Variants in EYA1 observed in about 807,000 individuals in gnomAD.
EYA1 encodes protein phosphatase EYA1.
EYA1 carries 16 observed loss-of-function variants against 82.0 expected under a neutral mutation model. The ratio of observed to expected loss-of-function variants is 0.20; its 90% CI spans 0.13 to 0.30. EYA1 has a LOEUF of 0.30. Among genes scored for constraint, EYA1 ranks in the 10% least tolerant of loss-of-function variants. EYA1 has a pLI of 1.00. For synonymous variants in EYA1, 261 were observed against 264.4 expected (o/e 0.99, Z 0.12); for missense variants, 633 against 730.7 (o/e 0.87, Z 1.54).
intron 2 of EYA1, among the ~76,000 whole-genome samples, chr8:71,375,747 G>A (rs1828335491): frequency 6.6e-6 from 1 of 152,084 alleles, no homozygotes; most frequent in Admixed American, 6.6e-5. Flanking sequence ...TCCTGGCTCA[G>A]CCTCCCAAGT....
intron 2 of EYA1, among the ~76,000 whole-genome samples, chr8:71,390,336 T>C (rs1032470959): frequency 4.0e-5 from 6 of 151,132 alleles, no homozygotes; most frequent in Non-Finnish European, 5.9e-5. Context: ...AGTGGCACAA[T>C]CAGAGCTCAC....
intron 2 of EYA1, among the ~76,000 whole-genome samples, chr8:71,493,790 G>A (rs557811814): frequency 1.9e-4 from 28 of 150,758 alleles, no homozygotes; most frequent in Non-Finnish European, 1.0e-4. Flanking sequence ...TTGGGAGGCC[G>A]AGGCGGGCGG....
intron 16 of EYA1, among the ~76,000 whole-genome samples, chr8:71,215,069 G>T (rs1459933837): frequency 6.6e-6 from 1 of 152,064 alleles, no homozygotes; most frequent in African/African-American, 2.4e-5. Context: ...TTTTAGCTTA[G>T]AAAATCAGAT....
At chr8:71,260,592 A>T (rs1415011399) in intron 11 of EYA1, among the ~76,000 whole-genome samples, 3 of 152,242 alleles carry the variant, frequency 2.0e-5, no homozygotes, top group Non-Finnish European at 4.4e-5. Flanking sequence ...GACAGGAGTT[A>T]TCAGAAGACA....
At chr8:71,313,580 TACAG>T (rs1190972960) in intron 7 of EYA1, among the ~76,000 whole-genome samples, 22 of 152,340 alleles carry the variant, frequency 1.4e-4, no homozygotes, top group Non-Finnish European at 2.8e-4. Flanking sequence ...CAGAGTGATT[TACAG>T]ACAATCTCAA....
At chr8:71,519,897 T>G (rs1383500951) in intron 2 of EYA1, among the ~76,000 whole-genome samples, 1 of 152,178 alleles carries the variant, frequency 6.6e-6, no homozygotes, top group Non-Finnish European at 1.5e-5. Context: ...TTAGTTCTAC[T>G]GAACATGAAG....
chr8:71,341,226 T>G (rs545618784), intron 3 of EYA1, among the ~76,000 whole-genome samples: 5 of 152,260 alleles, frequency 3.3e-5, no homozygotes, highest in African/African-American at 1.2e-4. Flanking sequence ...AAGTAAATGT[T>G]GGGTATTGCT....
At chr8:71,369,982 A>T (rs1180812015) in intron 2 of EYA1, among the ~76,000 whole-genome samples, 1 of 152,124 alleles carries the variant, frequency 6.6e-6, no homozygotes, top group East Asian at 1.9e-4. Flanking sequence ...TCCTGACAAC[A>T]GGGAACAACC....
chr8:71,257,404 A>T (rs1360317959), intron 11 of EYA1, among the ~76,000 whole-genome samples: 3 of 152,230 alleles, frequency 2.0e-5, no homozygotes, highest in Non-Finnish European at 4.4e-5. Flanking sequence ...CTAAGACAAG[A>T]TTGGCTGTTT....
intron 2 of EYA1, among the ~76,000 whole-genome samples, chr8:71,449,528 C>A (rs934628439): frequency 1.3e-5 from 2 of 152,202 alleles, no homozygotes; most frequent in South Asian, 4.1e-4. Context: ...ATTTAAAAAA[C>A]CAAGCTATGG....
At chr8:71,262,005 T>C (rs1815173833) in intron 11 of EYA1, among the ~76,000 whole-genome samples, 1 of 152,244 alleles carries the variant, frequency 6.6e-6, no homozygotes, top group Non-Finnish European at 1.5e-5. Flanking sequence ...TGTTCTTCCA[T>C]CATGTCCCTA....
intron 3 of EYA1, among the ~76,000 whole-genome samples, chr8:71,342,766 A>G (rs1825288564): frequency 6.6e-6 from 1 of 152,172 alleles, no homozygotes; most frequent in Non-Finnish European, 1.5e-5. Flanking sequence ...CTTGCTCTCC[A>G]ACTACTGAGG....
At chr8:71,300,240 A>G (rs1359881900) in intron 7 of EYA1, among the ~76,000 whole-genome samples, 1 of 152,204 alleles carries the variant, frequency 6.6e-6, no homozygotes, top group East Asian at 1.9e-4. Context: ...TGACACAACA[A>G]AGATGAAAGA....
At chr8:71,244,746 G>C in intron 11 of EYA1, 54 bp from the exon 12 acceptor site, 1 of 1,066,028 alleles carries the variant, frequency 9.4e-7, no homozygotes, top group Non-Finnish European at 1.4e-6. Context: ...TTACATGAAA[G>C]AGAGTGTCTC....
intron 7 of EYA1, among the ~76,000 whole-genome samples, chr8:71,311,820 A>T (rs895771532): frequency 7.2e-5 from 11 of 152,200 alleles, no homozygotes; most frequent in African/African-American, 2.7e-4. Flanking sequence ...CAGATTTCCC[A>T]ATCACTGAGG....
intron 6 of EYA1, among the ~76,000 whole-genome samples, chr8:71,320,864 A>G (rs1822460095): frequency 6.6e-6 from 1 of 152,100 alleles, no homozygotes; most frequent in Non-Finnish European, 1.5e-5. Context: ...ACTGGTCACA[A>G]AAAATTCTGT....
At chr8:71,499,810 A>C (rs374935337) in intron 2 of EYA1, among the ~76,000 whole-genome samples, 33 of 152,304 alleles carry the variant, frequency 2.2e-4, no homozygotes, top group Admixed American at 7.8e-4. Flanking sequence ...TGGGATTTAC[A>C]CTGTAGCTTT....
At chr8:71,395,427 T>C (rs945749783) in intron 2 of EYA1, among the ~76,000 whole-genome samples, 2 of 152,182 alleles carry the variant, frequency 1.3e-5, no homozygotes, top group Non-Finnish European at 2.9e-5. Context: ...TGGCTGTGGG[T>C]TTGTCATAGA....
chr8:71,237,743 T>G (rs1812017935), intron 12 of EYA1, among the ~76,000 whole-genome samples: 1 of 152,196 alleles, frequency 6.6e-6, no homozygotes, highest in Non-Finnish European at 1.5e-5. Context: ...AAATTAGCAG[T>G]GAATATATTA....
Sources: gnomAD v4.1 joint callset for allele counts (sites outside exome capture counted in the v4.1 genomes callset) on GRCh38, gnomAD v4.1.1 for gene constraint, MANE v1.5 for transcripts, NCBI Gene and HGNC (gene_info 2026-07-23, HGNC 2026-07-21) for gene names.